ARB2A: variants seen among roughly 807,000 people sequenced by gnomAD.
The protein encoded by ARB2A is cotranscriptional regulator ARB2A.
At chr5:94,094,729 A>AT in the ARB2A span, among the ~76,000 whole-genome samples, 1 of 152,162 alleles carries the variant, frequency 6.6e-6, no homozygotes, top group East Asian at 1.9e-4. Flanking sequence ...ACCTAGAGAG[A>AT]CAGACAGAAC....
the ARB2A span, among the ~76,000 whole-genome samples, chr5:93,751,763 G>A: frequency 3.9e-5 from 6 of 152,280 alleles, no homozygotes; most frequent in South Asian, 2.1e-4. Flanking sequence ...TATGTTTTGG[G>A]AATATTTTGG....
At chr5:93,937,116 G>A in the ARB2A span, among the ~76,000 whole-genome samples, 3 of 151,384 alleles carry the variant, frequency 2.0e-5, no homozygotes, top group Admixed American at 6.6e-5. Flanking sequence ...CTCATGATCC[G>A]CCCGCCCCTG....
the ARB2A span, among the ~76,000 whole-genome samples, chr5:93,653,148 G>T: frequency 1.3e-5 from 2 of 151,958 alleles, no homozygotes; most frequent in Non-Finnish European, 2.9e-5. Flanking sequence ...GATCCTGTTT[G>T]AAAAATGAGA....
chr5:93,847,514 T>C, the ARB2A span, among the ~76,000 whole-genome samples: 1 of 152,004 alleles, frequency 6.6e-6, no homozygotes, highest in Admixed American at 6.6e-5. Context: ...ATAAGAAAAA[T>C]AATTATATTT....
At chr5:93,952,376 T>C in the ARB2A span, among the ~76,000 whole-genome samples, 6 of 152,158 alleles carry the variant, frequency 3.9e-5, no homozygotes, top group Middle Eastern at 3.2e-3. Context: ...TCAGCTTTTG[T>C]TTGTCTGGGA....
the ARB2A span, among the ~76,000 whole-genome samples, chr5:93,815,402 G>C: frequency 6.6e-6 from 1 of 152,148 alleles, no homozygotes; most frequent in Non-Finnish European, 1.5e-5. Context: ...AAGGAAAAAT[G>C]ATAGTCCTTC....
the ARB2A span, among the ~76,000 whole-genome samples, chr5:93,870,975 T>G: frequency 6.6e-6 from 1 of 152,258 alleles, no homozygotes; most frequent in Non-Finnish European, 1.5e-5. Flanking sequence ...GAATAGCATT[T>G]GTACTTGTAA....
chr5:93,958,014 C>T, the ARB2A span, among the ~76,000 whole-genome samples: 1 of 151,756 alleles, frequency 6.6e-6, no homozygotes, highest in East Asian at 1.9e-4. Context: ...TCACACTTTG[C>T]AAAATTGGGC....
the ARB2A span, among the ~76,000 whole-genome samples, chr5:93,633,375 C>T: frequency 2.0e-5 from 3 of 152,174 alleles, no homozygotes; most frequent in Admixed American, 1.3e-4. Context: ...GTGTCACATA[C>T]CTCTTCCTAT....
chr5:93,692,863 C>T, the ARB2A span, among the ~76,000 whole-genome samples: 1 of 152,224 alleles, frequency 6.6e-6, no homozygotes, highest in South Asian at 2.1e-4. Context: ...TCTCAGACCA[C>T]AGTGCAATCA....
the ARB2A span, among the ~76,000 whole-genome samples, chr5:93,640,930 G>A: frequency 6.6e-6 from 1 of 151,898 alleles, no homozygotes; most frequent in Non-Finnish European, 1.5e-5. Flanking sequence ...TGCCAGGTGT[G>A]GTGGTTCACG....
At chr5:94,100,577 T>A in the ARB2A span, among the ~76,000 whole-genome samples, 1 of 151,610 alleles carries the variant, frequency 6.6e-6, no homozygotes, top group Non-Finnish European at 1.5e-5. Context: ...ATAGTACGAG[T>A]ACAAAAACCA....
the ARB2A span, among the ~76,000 whole-genome samples, chr5:94,025,650 G>A: frequency 6.6e-6 from 1 of 152,222 alleles, no homozygotes. Context: ...AATGTAAAAT[G>A]AAAAGACCTG....
the ARB2A span, among the ~76,000 whole-genome samples, chr5:93,670,736 C>T: frequency 1.3e-5 from 2 of 152,134 alleles, no homozygotes; most frequent in South Asian, 2.1e-4. Context: ...ATTTCTTGTA[C>T]ATTTCTGATT....
the ARB2A span, among the ~76,000 whole-genome samples, chr5:93,969,509 C>T: frequency 2.6e-5 from 4 of 152,036 alleles, no homozygotes; most frequent in Admixed American, 6.5e-5. Flanking sequence ...AATAAATATC[C>T]TGACTACTAA....
the ARB2A span, chr5:93,738,559 G>A: frequency 6.6e-6 from 1 of 152,112 alleles, no homozygotes; most frequent in African/African-American, 2.4e-5. Context: ...CAATCTAAGT[G>A]CCCATCATCA....
the ARB2A span, among the ~76,000 whole-genome samples, chr5:93,807,587 A>T: frequency 1.3e-5 from 2 of 151,994 alleles, no homozygotes; most frequent in Non-Finnish European, 2.9e-5. Context: ...ATATAAAGTT[A>T]GTAAAGACAA....
the ARB2A span, among the ~76,000 whole-genome samples, chr5:93,785,595 T>A: frequency 6.6e-6 from 1 of 152,112 alleles, no homozygotes; most frequent in African/African-American, 2.4e-5. Context: ...TGTCTCTCTC[T>A]TAATTTTTTT....
chr5:93,771,944 T>C, the ARB2A span, among the ~76,000 whole-genome samples: 1 of 152,196 alleles, frequency 6.6e-6, no homozygotes, highest in South Asian at 2.1e-4. Flanking sequence ...GACCCAGCCA[T>C]CCCATTACTG....
Sources: allele counts gnomAD v4.1 joint callset (sites outside exome capture counted in the v4.1 genomes callset), GRCh38; gene constraint gnomAD v4.1.1; transcripts MANE v1.5; gene names NCBI Gene and HGNC (gene_info 2026-07-23, HGNC 2026-07-21).